The following DPYSL5 variants were observed in gnomAD, a reference collection of about 807,000 sequenced individuals.
DPYSL5 encodes the protein dihydropyrimidinase like 5.
In DPYSL5, 9 loss-of-function variants were observed where a neutral mutation model predicts 58.4. That is an observed-to-expected ratio of 0.15 (90% CI 0.09 to 0.27). DPYSL5 has a LOEUF of 0.27. DPYSL5 is among the 10% of genes least tolerant of loss of function. The pLI is 1.00. For synonymous variants in DPYSL5, 293 were observed against 301.9 expected, an observed-to-expected ratio of 0.97 and a Z score of 0.31; for missense variants, 499 against 770.6, an observed-to-expected ratio of 0.65 and a Z score of 4.17.
chr2:26,911,868 G>A (rs1023467876), intron 2 of DPYSL5, among the ~76,000 whole-genome samples: 1 of 152,168 alleles, frequency 6.6e-6, no homozygotes, highest in Non-Finnish European at 1.5e-5. Flanking sequence ...AGGTTTAGGA[G>A]GGCACTTTGG....
rs147494080 is a variant in DPYSL5 at position 26,944,515 on chromosome 2, C to A, written c.1441-141C>A. The A allele has an allele frequency of 1.1e-3, 1,018 of 908,078 alleles. 6 individuals are homozygous for A. Among genetic ancestry groups the A allele is most frequent in the Admixed American group, 3.9e-3 (141 of 36,078 alleles). The allele number at this position is 908,078 out of a possible 1,614,324, so 56.3% of individuals were successfully genotyped here. On this transcript the variant is annotated intron_variant, in intron 11 of 12. Transcript: ENST00000288699. The surrounding 1 kb of genome is among the most constrained non-coding windows in gnomAD (Gnocchi z 4.4). ...GCCCCTGGACTCAATGTTTAAGAAG[C>A]CTTGGTCACTTGCAGTGATTTGGGT...
Position 26,870,334 on chromosome 2 carries a change from T to C in DPYSL5, c.-5+22080T>C, listed in dbSNP as rs552288065. 2.0e-5 allele frequency among the ~76,000 whole-genome samples: 3 copies of C among 152,292 alleles called. No individual in the cohort carries two copies. The South Asian group carries it at 6.2e-4, about 32-fold the overall frequency. On this transcript the variant is annotated intron_variant, in intron 1 of 12. Transcript: ENST00000288699. Reference sequence around the variant, plus strand: ...ATTTATTTTGATTGGTTTTTCTCCGTTGATTTGTGGATGTAAAGAATGATG... The same window carrying C: ...ATTTATTTTGATTGGTTTTTCTCCGCTGATTTGTGGATGTAAAGAATGATG...
Position 26,925,043 on chromosome 2 carries a change from A to G in DPYSL5, c.418A>G (p.Lys140Glu). 1 of 1,613,848 alleles carries G rather than the reference A, an allele frequency of 6.2e-7. No individual in the cohort carries two copies. Among genetic ancestry groups the G allele is most frequent in the East Asian group, 2.2e-5 (1 of 44,860 alleles). Residue 140 changes from lysine (K) to glutamate (E), a missense_variant and splice_region_variant, in exon 3 of 13, where the codon AAG becomes GAG. Lys to Glu is a moderately conservative substitution (Grantham distance 56, BLOSUM62 1). Coordinates refer to ENST00000288699, the MANE Select transcript of DPYSL5 (RefSeq NM_020134.4). The surrounding 1 kb of genome is among the most constrained non-coding windows in gnomAD (Gnocchi z 4.5). ...CGTGGGGATCACCTGGTGGGCACCC[A>G]AGGTAACAGTGCTGGTGGGATCCCA... ...LHVGITWWAPKVKAEMETLVR... is the reference protein window; with the variant it reads ...LHVGITWWAPEVKAEMETLVR...
chr2:26,929,708 C>T (rs1456218738), intron 5 of DPYSL5, among the ~76,000 whole-genome samples: 2 of 152,254 alleles, frequency 1.3e-5, no homozygotes, highest in Non-Finnish European at 2.9e-5. Flanking sequence ...ACATACAAGT[C>T]TATGCTCCTC....
chr2:26,922,097 C>G (rs1664719829), intron 2 of DPYSL5, among the ~76,000 whole-genome samples: 1 of 152,184 alleles, frequency 6.6e-6, no homozygotes. Flanking sequence ...CCCCACTCAC[C>G]CATTCCTAAA....
intron 1 of DPYSL5, among the ~76,000 whole-genome samples, chr2:26,860,558 C>T (rs1323042917): frequency 6.6e-6 from 1 of 152,188 alleles, no homozygotes; most frequent in Non-Finnish European, 1.5e-5. Flanking sequence ...GATATACAAG[C>T]ACATGTGCTT....
At chr2:26,939,894 A>G (rs1665271915) in intron 8 of DPYSL5, 137 bp from the exon 9 acceptor site, 25 of 1,150,974 alleles carry the variant, frequency 2.2e-5, no homozygotes, top group African/African-American at 3.1e-5. Context: ...GACAGACCAC[A>G]TGGCCTAAGC....
At chr2:26,936,960 A>AAAAAAAAAAAAAAAAAAC (rs1665196200) in intron 8 of DPYSL5, among the ~76,000 whole-genome samples, 1 of 150,534 alleles carries the variant, frequency 6.6e-6, no homozygotes, top group Non-Finnish European at 1.5e-5. Context: ...AAAAAAAAAA[A>AAAAAAAAAAAAAAAAAAC]AGCTTGTTTT....
At chr2:26,908,767 G>A (rs181478354) in intron 2 of DPYSL5, among the ~76,000 whole-genome samples, 62 of 152,288 alleles carry the variant, frequency 4.1e-4, no homozygotes, top group African/African-American at 1.4e-3. Flanking sequence ...TTTGCTTTAT[G>A]CTGTCATCCA....
intron 1 of DPYSL5, among the ~76,000 whole-genome samples, chr2:26,852,690 T>C (rs574658349): frequency 2.6e-5 from 4 of 152,330 alleles, no homozygotes; most frequent in African/African-American, 9.6e-5. Context: ...GGCCACTTTC[T>C]GTTTATCTGT....
chr2:26,944,640 T>C lies in DPYSL5; in HGVS notation c.1441-16T>C, dbSNP rs1243537416. On this transcript the variant is annotated splice_polypyrimidine_tract_variant and intron_variant, in intron 11 of 12. Transcript: ENST00000288699. This position sits in a 1 kb window ranked among gnomAD's most constrained non-coding sequence, Gnocchi z 4.4. ...GTGTTGTCCTGTTCTTCTGCTCTTC[T>C]TCCATCCTTCCCTAGACTTTAAAGG... is the stretch of plus-strand genomic sequence containing the variant. 1 of 1,612,012 alleles carries C rather than the reference T, an allele frequency of 6.2e-7. No individual in the cohort carries two copies. The highest frequency in any genetic ancestry group is 1.1e-5 in the South Asian group (1 of 90,836).
At position 26,891,726 on chromosome 2, in the gene DPYSL5, A is replaced by G. The variant is rs192634435; in HGVS notation, c.-4-6770A>G. Among the ~76,000 whole-genome samples the G allele has an allele frequency of 2.0e-3, 309 of 152,104 alleles. 1 individual carries two copies. The highest frequency in any genetic ancestry group is 3.6e-3 in the Non-Finnish European group (244 of 67,974). ...CTCGCTCTGTTGCCCAGGCTGGAGT[A>G]TAGTGGCATGATCTTGGCTCACTGC... On this transcript the variant is annotated intron_variant, in intron 1 of 12. Coordinates refer to ENST00000288699, the MANE Select transcript of DPYSL5 (RefSeq NM_020134.4).
At chr2:26,896,898 C>G (rs1664037003) in intron 1 of DPYSL5, among the ~76,000 whole-genome samples, 1 of 152,166 alleles carries the variant, frequency 6.6e-6, no homozygotes, top group South Asian at 2.1e-4. Flanking sequence ...TCCCATTTGT[C>G]TATCTTTACT....
Position 26,925,173 on chromosome 2 carries a change from C to A in DPYSL5, c.420+128C>A. ...ACTACCATCCTAGCTCCCCACAATG[C>A]CAAAAGAAAACACACTTGGGATTCC... On this transcript the variant is annotated intron_variant, in intron 3 of 12. Coordinates refer to ENST00000288699, the MANE Select transcript of DPYSL5 (RefSeq NM_020134.4). The surrounding 1 kb of genome is among the most constrained non-coding windows in gnomAD (Gnocchi z 4.5). The A allele has an allele frequency of 8.1e-7, 1 of 1,230,664 alleles. No individual in the cohort carries two copies. The highest frequency in any genetic ancestry group is 1.1e-6 in the Non-Finnish European group (1 of 901,400). 76.2% of individuals were successfully genotyped at this position (1,230,664 alleles called of 1,614,324 possible).
Position 26,897,370 on chromosome 2 carries a change from T to G in DPYSL5, c.-4-1126T>G, listed in dbSNP as rs113900340. Among the ~76,000 whole-genome samples, 726 of 152,300 alleles carry G rather than the reference T, an allele frequency of 4.8e-3. 6 individuals are homozygous for G. The highest frequency in any genetic ancestry group is 0.017 in the African/African-American group (700 of 41,562). ...CTTTTCTGAGAGTTTTTATCATGAA[T>G]GGGTGTTGAATTTTGTCAAATGCTT... On this transcript the variant is annotated intron_variant, in intron 1 of 12. Transcript: ENST00000288699.
intron 1 of DPYSL5, among the ~76,000 whole-genome samples, chr2:26,857,780 T>C (rs902557053): frequency 1.3e-5 from 2 of 152,232 alleles, no homozygotes; most frequent in African/African-American, 4.8e-5. Flanking sequence ...ATAGATGTGA[T>C]TTTTACAGTT....
rs1162339791 is a variant in DPYSL5, at chr2:26,864,718, G to A, written c.-5+16464G>A. ...TAGGCAGAGGGATGAGTGTGAAGCT[G>A]CAGGAAGGGCCAGGCACTTGGAGAG... On this transcript the variant is annotated intron_variant, in intron 1 of 12. Transcript: ENST00000288699. Among the ~76,000 whole-genome samples, 3 of 152,220 alleles carry A rather than the reference G, an allele frequency of 2.0e-5. 1 individual carries two copies. Among genetic ancestry groups the A allele is most frequent in the Admixed American group, 2.0e-4 (3 of 15,292 alleles).
rs1664139580 is a variant in DPYSL5, at chr2:26,900,827, A to G, written c.261+2067A>G. Among the ~76,000 whole-genome samples, 2 of 152,046 alleles carry G rather than the reference A, an allele frequency of 1.3e-5. 1 individual carries two copies. Among genetic ancestry groups the G allele is most frequent in the Admixed American group, 1.3e-4 (2 of 15,270 alleles). On this transcript the variant is annotated intron_variant, in intron 2 of 12. Transcript: ENST00000288699. Reference sequence around the variant, plus strand: ...CCTAGTTACTGTCCCTGTTTGGAGGAGTCCTTTAGGCCAGGGTCAGATGCC... The same window carrying G: ...CCTAGTTACTGTCCCTGTTTGGAGGGGTCCTTTAGGCCAGGGTCAGATGCC...
Position 26,934,663 on chromosome 2 carries a change from T to G in DPYSL5, c.876T>G (p.Ala292=). Residue 292 remains alanine, a synonymous_variant, in exon 8 of 13, where the codon GCT becomes GCG. Transcript: ENST00000288699. This position sits in a 1 kb window ranked among gnomAD's most constrained non-coding sequence, Gnocchi z 4.3. ...ACCACCAGGACTGGTCCCACGCGGCTGCCTATGTCACGGTGCCTCCCCTGA... is the reference window on the plus strand; with the variant it reads ...ACCACCAGGACTGGTCCCACGCGGCGGCCTATGTCACGGTGCCTCCCCTGA... The part of the protein sequence containing the change: ...HYYHQDWSHA[A]AYVTVPPLRL... 6.2e-7 allele frequency: 1 copy of G among 1,614,126 alleles called. No homozygotes were observed.
Sources: allele counts gnomAD v4.1 joint callset (sites outside exome capture counted in the v4.1 genomes callset), GRCh38; gene constraint gnomAD v4.1.1; non-coding constraint Gnocchi (gnomAD v3.1); transcripts MANE v1.5; gene names NCBI Gene and HGNC (gene_info 2026-07-23, HGNC 2026-07-21).